The following GAREM2 variants were observed in gnomAD, a reference collection of about 807,000 sequenced individuals.
GAREM2 encodes the protein GRB2 associated regulator of MAPK1 subtype 2, also known as GRB2-associated and regulator of MAPK protein 2.
GAREM2 carries 30 observed loss-of-function variants against 55.6 expected under a neutral mutation model. The ratio of observed to expected loss-of-function variants is 0.54; its 90% CI spans 0.40 to 0.73. The LOEUF (loss-of-function observed/expected upper bound fraction) is 0.73. Ranked by LOEUF, GAREM2 falls within the 30% of genes least tolerant of loss-of-function variation. The pLI is 0.00. For synonymous variants in GAREM2, 550 were observed against 569.1 expected (o/e 0.97, Z 0.48); for missense variants, 1,075 against 1,257.7 (o/e 0.85, Z 2.20).
the GAREM2 span, chr2:26,195,177 A>G: frequency 9.3e-6 from 15 of 1,612,340 alleles, no homozygotes; most frequent in Non-Finnish European, 1.3e-5. Flanking sequence ...CTCGGTCGTG[A>G]TAATCTCCAG....
downstream of GAREM2, chr2:26,194,637 T>C (rs1669610966): frequency 1.2e-6 from 2 of 1,606,048 alleles, no homozygotes; most frequent in Non-Finnish European, 1.7e-6. Flanking sequence ...GCCAGGTCCA[T>C]CCTGCCAAGG....
the GAREM2 span, chr2:26,201,092 A>G: frequency 1.5e-6 from 2 of 1,337,226 alleles, no homozygotes; most frequent in South Asian, 1.2e-5. Context: ...TAAAAAAAAA[A>G]TCTCTGTGTT....
At chr2:26,200,063 C>G in the GAREM2 span, among the ~76,000 whole-genome samples, 2 of 152,186 alleles carry the variant, frequency 1.3e-5, no homozygotes, top group African/African-American at 4.8e-5. Flanking sequence ...ACGGGGTGGT[C>G]TAGAGATCAT....
chr2:26,181,947 C>A, intron 2 of GAREM2: 1 of 958,896 alleles, frequency 1.0e-6, no homozygotes, highest in Non-Finnish European at 1.2e-6. Context: ...CCACTGTACT[C>A]CAGCCTGGGC....
At chr2:26,176,305 T>C in intron 1 of GAREM2, 39 bp from the exon 2 acceptor site, 6 of 1,458,154 alleles carry the variant, frequency 4.1e-6, no homozygotes, top group Non-Finnish European at 5.5e-6. Flanking sequence ...ATGTCCTGTC[T>C]TCCTTCCCCT....
At chr2:26,195,271 C>A in the GAREM2 span, 1 of 1,579,046 alleles carries the variant, frequency 6.3e-7, no homozygotes, top group Non-Finnish European at 8.7e-7. Flanking sequence ...TCGGAGAATG[C>A]GGGTGAGGAA....
At chr2:26,190,359 C>T (rs1364597343), downstream of GAREM2, among the ~76,000 whole-genome samples, 1 of 151,206 alleles carries the variant, frequency 6.6e-6, no homozygotes, top group African/African-American at 2.4e-5. Flanking sequence ...GGCACTGCTT[C>T]TGTAGGAACT....
Position 26,173,339 on chromosome 2 carries a change from G to C in GAREM2, c.112+7G>C. The C allele has an allele frequency of 7.3e-7, 1 of 1,371,454 alleles. No individual in the cohort carries two copies. The highest frequency in any genetic ancestry group is 9.5e-7 in the Non-Finnish European group (1 of 1,054,672). 85.0% of individuals were successfully genotyped at this position (1,371,454 alleles called of 1,614,324 possible). ...CTCGCCTGCCTTGGGCCAGGTACCG[G>C]GGTCGCTGGAGATGGGGACCGGGGT... is the stretch of plus-strand genomic sequence containing the variant. On this transcript the variant is annotated splice_region_variant and intron_variant, in intron 1 of 5. Coordinates refer to ENST00000401533, the MANE Select transcript of GAREM2 (RefSeq NM_001168241.2).
rs1386139090 is a variant in GAREM2 at position 26,185,174 on chromosome 2, C to T, written c.1326C>T (p.Val442=). 2 of 1,508,166 alleles carry T rather than the reference C, an allele frequency of 1.3e-6. No individual in the cohort carries two copies. The highest frequency in any genetic ancestry group is 1.8e-6 in the Non-Finnish European group (2 of 1,135,728). The allele number at this position is 1,508,166 out of a possible 1,614,324, so 93.4% of individuals were successfully genotyped here. Residue 442 remains valine (V), a synonymous_variant, in exon 4 of 6, where the codon GTC becomes GTT. Transcript: ENST00000401533. ...CGCACCAGGGGCCCGAGGGCCTCGT[C>T]CGGCCGCCCCCAGGGCTCGATCTCA... ...LWAHQGPEGL[V]RPPPGLDLIS... is the part of the protein sequence containing the mutation.
At chr2:26,195,049 G>A in the GAREM2 span, 1 of 1,531,874 alleles carries the variant, frequency 6.5e-7, no homozygotes, top group South Asian at 1.1e-5. Context: ...AGTCTTATTA[G>A]AACTTTTCAA....
At chr2:26,186,413 G>T (rs1417931682) in intron 5 of GAREM2, 55 bp downstream of exon 5, 1 of 1,479,266 alleles carries the variant, frequency 6.8e-7, no homozygotes, top group Admixed American at 2.0e-5. Context: ...AGGCAGGGAA[G>T]GGTGAGGAGG....
At chr2:26,180,883 G>C in intron 2 of GAREM2, 1 of 985,278 alleles carries the variant, frequency 1.0e-6, no homozygotes, top group Non-Finnish European at 1.2e-6. Context: ...CTCCCAAAGT[G>C]CTGGGTTACA....
downstream of GAREM2, among the ~76,000 whole-genome samples, chr2:26,192,928 A>C (rs1247928248): frequency 3.3e-5 from 5 of 152,218 alleles, no homozygotes; most frequent in African/African-American, 1.2e-4. Context: ...GCATCTGTGT[A>C]CATGGATGAG....
chr2:26,187,084 C>T, intron 5 of GAREM2, 147 bp from the exon 6 acceptor site: 1 of 1,227,298 alleles, frequency 8.1e-7, no homozygotes, highest in South Asian at 3.9e-5. Flanking sequence ...AGAACACGGC[C>T]ATTCCGGAGG....
chr2:26,195,504 G>A, the GAREM2 span, among the ~76,000 whole-genome samples: 2 of 150,528 alleles, frequency 1.3e-5, no homozygotes, highest in South Asian at 2.1e-4. Context: ...ACCACAGCTC[G>A]AGGCCAAACT....
In GAREM2 at chr2:26,186,174, G is replaced by A. The variant is rs545979295; in HGVS notation, c.1429-15G>A. The A allele has an allele frequency of 4.7e-6, 7 of 1,484,342 alleles. No homozygotes were observed. The highest frequency in any genetic ancestry group is 2.6e-5 in the East Asian group (1 of 39,084). The allele number at this position is 1,484,342 out of a possible 1,614,324, so 91.9% of individuals were successfully genotyped here. ...TGTTTGGAGTCGAGGTGGAGTCACC[G>A]CCCTCTGCTTGTAGGTGAAGGAGGA... On this transcript the variant is annotated splice_polypyrimidine_tract_variant and intron_variant, in intron 4 of 5. Coordinates refer to ENST00000401533, the MANE Select transcript of GAREM2 (RefSeq NM_001168241.2).
the GAREM2 span, among the ~76,000 whole-genome samples, chr2:26,199,853 A>T: frequency 0.011 from 1,743 of 152,262 alleles, 38 homozygotes; most frequent in African/African-American, 0.038. Flanking sequence ...ACTATGAGAG[A>T]TGTGGGGGAA....
At chr2:26,194,381 C>T (rs1265779698), downstream of GAREM2, among the ~76,000 whole-genome samples, 1 of 152,174 alleles carries the variant, frequency 6.6e-6, no homozygotes, top group African/African-American at 2.4e-5. Flanking sequence ...AGGGAAAGCT[C>T]TGCCCCTTTC....
Position 26,183,036 on chromosome 2 carries a change from A to T in GAREM2, c.323A>T (p.Glu108Val), listed in dbSNP as rs1268049171. 3 of 1,551,562 alleles carry T rather than the reference A, an allele frequency of 1.9e-6. No individual in the cohort carries two copies. Among genetic ancestry groups the T allele is most frequent in the African/African-American group, 2.7e-5 (2 of 73,030 alleles). The change falls in exon 3 of 6, where the codon GAG (glutamate) becomes GTG (valine). Residue 108 changes from glutamate to valine, a missense_variant. Physicochemically the swap from Glu to Val is moderately radical, Grantham distance 121. Transcript: ENST00000401533. The part of the protein sequence containing the change: ...EPVRYFSSVE[E>V]VASVFPDRIF... ...GTGAGGTACTTCAGCAGCGTGGAGGAGGTGGCCAGTGTCTTCCCTGACCGC... is the reference window on the plus strand; with the variant it reads ...GTGAGGTACTTCAGCAGCGTGGAGGTGGTGGCCAGTGTCTTCCCTGACCGC...
Sources: allele counts gnomAD v4.1 joint callset (sites outside exome capture counted in the v4.1 genomes callset), GRCh38; gene constraint gnomAD v4.1.1; transcripts MANE v1.5; gene names NCBI Gene and HGNC (gene_info 2026-07-23, HGNC 2026-07-21).